Variants in CYRIA observed in about 807,000 individuals in gnomAD.
CYRIA encodes the protein CYFIP related Rac1 interactor A, also known as CYFIP-related Rac1 interactor A.
Under a neutral mutation model 43.9 loss-of-function variants are expected in CYRIA, and 15 were observed. That is an observed-to-expected ratio of 0.34 (90% confidence interval 0.23 to 0.53). The LOEUF is 0.53. Ranked by LOEUF, CYRIA falls within the 20% of genes least tolerant of loss-of-function variation. CYRIA has a pLI of 0.94. For synonymous variants in CYRIA, 117 were observed against 136.0 expected (o/e 0.86, Z 0.97); for missense variants, 236 against 394.2 (o/e 0.60, Z 3.40).
At chr2:16,553,568 T>G (rs1187611577) in intron 11 of CYRIA, among the ~76,000 whole-genome samples, 1 of 152,146 alleles carries the variant, frequency 6.6e-6, no homozygotes, top group Non-Finnish European at 1.5e-5. Context: ...TCATGGGCGC[T>G]CCATGTTAAG....
At chr2:16,589,873 A>G (rs967108787) in intron 2 of CYRIA, among the ~76,000 whole-genome samples, 2 of 152,098 alleles carry the variant, frequency 1.3e-5, no homozygotes, top group African/African-American at 4.8e-5. Context: ...TCTAAACATT[A>G]TAGTTATCTG....
intron 3 of CYRIA, among the ~76,000 whole-genome samples, chr2:16,573,560 C>T (rs1667216353): frequency 6.6e-6 from 1 of 152,188 alleles, no homozygotes; most frequent in African/African-American, 2.4e-5. Context: ...GGCTGTGTCC[C>T]CACCCAAATC....
intron 2 of CYRIA, among the ~76,000 whole-genome samples, chr2:16,621,341 CT>C (rs1357857827): frequency 6.6e-6 from 1 of 152,130 alleles, no homozygotes; most frequent in Non-Finnish European, 1.5e-5. Flanking sequence ...TTACATCAAC[CT>C]ACTTTATCGA....
intron 1 of CYRIA, among the ~76,000 whole-genome samples, chr2:16,646,253 G>T (rs907501830): frequency 1.3e-5 from 2 of 152,140 alleles, no homozygotes; most frequent in Non-Finnish European, 2.9e-5. Context: ...CCCCCACCAG[G>T]CCACTACCCT....
At chr2:16,575,212 T>C (rs1051322079) in intron 3 of CYRIA, among the ~76,000 whole-genome samples, 1 of 152,196 alleles carries the variant, frequency 6.6e-6, no homozygotes, top group South Asian at 2.1e-4. Flanking sequence ...CTGTTGTATC[T>C]AGGAAGTAAC....
At chr2:16,649,455 A>T (rs972623913) in intron 1 of CYRIA, among the ~76,000 whole-genome samples, 3 of 152,114 alleles carry the variant, frequency 2.0e-5, no homozygotes, top group African/African-American at 7.2e-5. Flanking sequence ...GTTGTACAGT[A>T]CAGGGCATGG....
intron 1 of CYRIA, among the ~76,000 whole-genome samples, chr2:16,636,164 G>A (rs1327261237): frequency 1.3e-5 from 2 of 152,118 alleles, no homozygotes; most frequent in African/African-American, 2.4e-5. Context: ...GCAAGACTCC[G>A]GATTCTGAGT....
chr2:16,659,733 T>C (rs1019263474), intron 1 of CYRIA, among the ~76,000 whole-genome samples: 1 of 152,234 alleles, frequency 6.6e-6, no homozygotes, highest in Non-Finnish European at 1.5e-5. Context: ...TGTCACTCAT[T>C]GTTCCTCATG....
rs1387131296 is a variant in CYRIA, at chr2:16,575,572, C to G, written c.71-9805G>C. Among the ~76,000 whole-genome samples the G allele has an allele frequency of 3.9e-5, 6 of 152,106 alleles. No individual in the cohort carries two copies. The East Asian group carries it at 7.8e-4, about 20-fold the overall frequency. On this transcript the variant is annotated intron_variant, in intron 3 of 11. Coordinates refer to ENST00000381323, the MANE Select transcript of CYRIA (RefSeq NM_030797.4). ...CTGATGGTTTTATAAAGAGCAGTTC[C>G]CGGCCGGGCGCGGTGGCTCATGCTT...
chr2:16,618,958 G>T (rs1668904009), intron 2 of CYRIA, among the ~76,000 whole-genome samples: 1 of 152,196 alleles, frequency 6.6e-6, no homozygotes, highest in Non-Finnish European at 1.5e-5. Flanking sequence ...TGTGGAGAGG[G>T]TGATACACAG....
chr2:16,634,984 A>C (rs2103526729), intron 1 of CYRIA, among the ~76,000 whole-genome samples: 1 of 152,368 alleles, frequency 6.6e-6, no homozygotes, highest in South Asian at 2.1e-4. Context: ...GGTTGGGAAG[A>C]CAAGACTTAA....
intron 1 of CYRIA, among the ~76,000 whole-genome samples, chr2:16,635,334 A>C (rs1001411092): frequency 6.6e-6 from 1 of 152,196 alleles, no homozygotes. Flanking sequence ...CCTTGAACAC[A>C]TCAGCATGCA....
chr2:16,634,068 A>C (rs564537927), intron 1 of CYRIA, among the ~76,000 whole-genome samples: 3 of 152,302 alleles, frequency 2.0e-5, no homozygotes, highest in Admixed American at 2.0e-4. Flanking sequence ...ACACTGAGTC[A>C]TGGTCGAGGT....
At position 16,551,924 on chromosome 2, in the gene CYRIA, T is replaced by A. The variant is rs1447540159; in HGVS notation, c.*1012A>T. 1 of 152,092 alleles carries A rather than the reference T, an allele frequency of 6.6e-6. No individual in the cohort carries two copies. The highest frequency in any genetic ancestry group is 1.5e-5 in the Non-Finnish European group (1 of 67,998). 9.4% of individuals were successfully genotyped at this position (152,092 alleles called of 1,614,324 possible). A position where few individuals can be genotyped will look rare whatever the true frequency, so the allele number is the denominator to read the frequency against. Reference sequence around the variant, plus strand: ...CAACGGGGTTGGGGAAGAGCTACTTTTTAAAAACCTGGGAAATAGAAAACA... The same window carrying A: ...CAACGGGGTTGGGGAAGAGCTACTTATTAAAAACCTGGGAAATAGAAAACA... On this transcript the variant is annotated 3_prime_UTR_variant, in exon 12 of 12. Coordinates refer to ENST00000381323, the MANE Select transcript of CYRIA (RefSeq NM_030797.4).
At chr2:16,658,912 G>A (rs1235113785) in intron 1 of CYRIA, among the ~76,000 whole-genome samples, 3 of 152,116 alleles carry the variant, frequency 2.0e-5, no homozygotes, top group Non-Finnish European at 2.9e-5. Flanking sequence ...ACCAAGGAAG[G>A]GCCTGAGAAG....
Position 16,658,701 on chromosome 2 carries a change from TTTTTC to T in CYRIA, c.-167+7074_-167+7078del, listed in dbSNP as rs1457024523. Among the ~76,000 whole-genome samples, 3 of 152,200 alleles carry T rather than the reference TTTTTC, an allele frequency of 2.0e-5. No individual in the cohort carries two copies. The East Asian group carries it at 5.8e-4, about 29-fold the overall frequency. ...GTCTTTCCCTTTCTTTCCTTTCCTT[TTTTTC>T]TTTTCTTTTCCTTCCACCCTTCCTT... On this transcript the variant is annotated intron_variant, in intron 1 of 11. Transcript: ENST00000381323.
At chr2:16,627,772 C>G (rs935516680) in intron 1 of CYRIA, among the ~76,000 whole-genome samples, 1 of 152,152 alleles carries the variant, frequency 6.6e-6, no homozygotes, top group Non-Finnish European at 1.5e-5. Context: ...GCTGTGCAGG[C>G]AGAATTAGGA....
chr2:16,640,436 A>ACTGGGG (rs1669640258), intron 1 of CYRIA, among the ~76,000 whole-genome samples: 11 of 152,318 alleles, frequency 7.2e-5, no homozygotes, highest in Admixed American at 7.2e-4. Context: ...GGACTGGGAG[A>ACTGGGG]ACCACAAGGC....
chr2:16,639,037 T>G (rs1722418), intron 1 of CYRIA, among the ~76,000 whole-genome samples: 85,106 of 152,172 alleles, frequency 0.56, 27,906 homozygotes, highest in East Asian at 0.95. Flanking sequence ...ATACAGAAAA[T>G]CTCAGAACTT....
Sources: allele counts gnomAD v4.1 joint callset (sites outside exome capture counted in the v4.1 genomes callset), GRCh38; gene constraint gnomAD v4.1.1; transcripts MANE v1.5; gene names NCBI Gene and HGNC (gene_info 2026-07-23, HGNC 2026-07-21).